MAN2A1: variants seen among roughly 807,000 people sequenced by gnomAD.
MAN2A1 encodes the protein mannosidase alpha class 2A member 1, also known as alpha-mannosidase 2.
In MAN2A1, 76 loss-of-function variants were observed where a neutral mutation model predicts 142.6. The ratio of observed to expected loss-of-function variants is 0.53; its 90% CI spans 0.44 to 0.65. The LOEUF (loss-of-function observed/expected upper bound fraction) is 0.65. Ranked by LOEUF, MAN2A1 falls within the 30% of genes least tolerant of loss-of-function variation. The probability of loss-of-function intolerance (pLI) is 0.00; values close to 1 mark genes in which losing one functional copy is unlikely to be tolerated. For missense variants in MAN2A1, 1,311 were observed against 1,365.1 expected (o/e 0.96, Z 0.62); for synonymous variants, 559 against 473.2 (o/e 1.18, Z -2.35).
At chr5:109,787,127 TTAATAGA>T (rs1317526619) in intron 10 of MAN2A1, among the ~76,000 whole-genome samples, 1 of 152,074 alleles carries the variant, frequency 6.6e-6, no homozygotes, top group African/African-American at 2.4e-5. Context: ...CTTAAAAGTA[TTAATAGA>T]TAATGTGGCT....
intron 5 of MAN2A1, among the ~76,000 whole-genome samples, chr5:109,765,701 T>G (rs544991491): frequency 6.6e-6 from 1 of 152,306 alleles, no homozygotes; most frequent in Non-Finnish European, 1.5e-5. Context: ...AGAGCTTTCC[T>G]TCTTATTTTC....
chr5:109,799,254 G>C (rs1293687765), intron 12 of MAN2A1, among the ~76,000 whole-genome samples: 1 of 152,072 alleles, frequency 6.6e-6, no homozygotes, highest in Non-Finnish European at 1.5e-5. Flanking sequence ...ATTACCCTAA[G>C]GATAAACTCT....
chr5:109,855,262 T>G lies in MAN2A1; in HGVS notation c.3099T>G (p.Gly1033=). The change falls in exon 20 of 22, where the codon GGT becomes GGG. Residue 1033 remains glycine, a synonymous_variant. Transcript: ENST00000261483. ...CCTCACCTACCCTTGAGCTGCAAGG[T>G]GAATTCTCTCCATTACAGTCATCTT... The part of the protein sequence containing the change: ...KFSSPTLELQ[G]EFSPLQSSLP... 1 of 1,607,520 alleles carries G rather than the reference T, an allele frequency of 6.2e-7. No homozygotes were observed. The highest frequency in any genetic ancestry group is 8.5e-7 in the Non-Finnish European group (1 of 1,177,684).
In MAN2A1 at chr5:109,746,506, G is replaced by A. The variant is rs138504068; in HGVS notation, c.708-8823G>A. Among the ~76,000 whole-genome samples, 1,145 of 150,476 alleles carry A rather than the reference G, an allele frequency of 7.6e-3. 55 individuals are homozygous for A. Among genetic ancestry groups the A allele is most frequent in the Admixed American group, 0.071 (1,069 of 15,140 alleles). ...TTTATGGATGTATGGGAAAACATAT[G>A]CACATGTACATAAAGGCATAGGCAT... On this transcript the variant is annotated intron_variant, in intron 4 of 21. Transcript: ENST00000261483.
At chr5:109,710,874 G>A (rs1751281507) in intron 1 of MAN2A1, among the ~76,000 whole-genome samples, 1 of 152,158 alleles carries the variant, frequency 6.6e-6, no homozygotes. Context: ...ATTTTTAGTA[G>A]AGACGGGGTT....
chr5:109,733,335 C>T (rs1186852057), intron 4 of MAN2A1, among the ~76,000 whole-genome samples: 2 of 152,154 alleles, frequency 1.3e-5, no homozygotes, highest in Non-Finnish European at 2.9e-5. Flanking sequence ...TCCTCTTTTC[C>T]TAATTGAATG....
Position 109,726,844 on chromosome 5 carries a change from T to A in MAN2A1, c.536-2498T>A, listed in dbSNP as rs1273922367. 2.0e-5 allele frequency among the ~76,000 whole-genome samples: 3 copies of A among 152,222 alleles called. No homozygotes were observed. The South Asian group carries it at 6.2e-4, about 31-fold the overall frequency. On this transcript the variant is annotated intron_variant, in intron 3 of 21. Transcript: ENST00000261483. ...TTGGAGGCATTTCACTATTTATAGT[T>A]CTTTAGCTAGTAGCCAGATAATTAG...
At chr5:109,865,728 G>A (rs1300028494) in intron 21 of MAN2A1, among the ~76,000 whole-genome samples, 2 of 152,184 alleles carry the variant, frequency 1.3e-5, no homozygotes, top group Admixed American at 6.5e-5. Flanking sequence ...CACCGTGCAG[G>A]CCAAACAGAT....
At chr5:109,745,170 A>G (rs1296951812) in intron 4 of MAN2A1, among the ~76,000 whole-genome samples, 2 of 152,164 alleles carry the variant, frequency 1.3e-5, no homozygotes, top group Non-Finnish European at 2.9e-5. Flanking sequence ...AGTAGTCTAT[A>G]TTATTTTGGA....
chr5:109,716,484 A>G (rs1255208870), intron 3 of MAN2A1, among the ~76,000 whole-genome samples: 1 of 152,236 alleles, frequency 6.6e-6, no homozygotes. Context: ...ATGAAATGGT[A>G]ATAAACAAAA....
intron 12 of MAN2A1, among the ~76,000 whole-genome samples, chr5:109,801,585 T>C (rs1754033398): frequency 1.3e-5 from 2 of 152,128 alleles, no homozygotes; most frequent in South Asian, 2.1e-4. Flanking sequence ...ATCTGCAAAT[T>C]AGATTCATTA....
At chr5:109,762,294 T>G (rs1389277110) in intron 5 of MAN2A1, among the ~76,000 whole-genome samples, 1 of 152,188 alleles carries the variant, frequency 6.6e-6, no homozygotes. Context: ...AAGAGCAGGT[T>G]AAAATTTTTT....
intron 10 of MAN2A1, among the ~76,000 whole-genome samples, chr5:109,788,357 G>GACATAAAAACACAAATA: frequency 6.9e-6 from 1 of 144,102 alleles, no homozygotes; most frequent in South Asian, 2.5e-4. Flanking sequence ...AATATAGTTA[G>GACATAAAAACACAAATA]TAATTTCAGT....
intron 3 of MAN2A1, among the ~76,000 whole-genome samples, chr5:109,727,238 C>T (rs148866455): frequency 6.6e-5 from 10 of 152,092 alleles, no homozygotes; most frequent in Middle Eastern, 3.4e-3. Context: ...TTTCACAGTT[C>T]GAGGCTAGAA....
chr5:109,731,124 C>T (rs1751893337), intron 4 of MAN2A1, among the ~76,000 whole-genome samples: 1 of 151,852 alleles, frequency 6.6e-6, no homozygotes, highest in Admixed American at 6.6e-5. Flanking sequence ...TGGGGTACAT[C>T]TGGTATTTTA....
At chr5:109,778,614 G>A (rs1378005837) in intron 8 of MAN2A1, among the ~76,000 whole-genome samples, 2 of 151,928 alleles carry the variant, frequency 1.3e-5, no homozygotes, top group Non-Finnish European at 2.9e-5. Context: ...TTTATGTCTT[G>A]TGCAATGATT....
chr5:109,716,026 T>G, intron 2 of MAN2A1, 94 bp from the exon 3 acceptor site: 1 of 746,680 alleles, frequency 1.3e-6, no homozygotes, highest in African/African-American at 1.8e-5. Flanking sequence ...AAAATACATA[T>G]GCAGAGTATA....
chr5:109,727,415 T>C (rs1751776068), intron 3 of MAN2A1, among the ~76,000 whole-genome samples: 1 of 152,112 alleles, frequency 6.6e-6, no homozygotes, highest in Non-Finnish European at 1.5e-5. Context: ...TTAGGGCGTA[T>C]CTTCATGACC....
At chr5:109,785,971 G>A (rs532606770) in intron 10 of MAN2A1, among the ~76,000 whole-genome samples, 1 of 152,098 alleles carries the variant, frequency 6.6e-6, no homozygotes, top group Admixed American at 6.6e-5. Flanking sequence ...ATTACTAATT[G>A]TAGTAAATGT....
Sources: allele counts gnomAD v4.1 joint callset (sites outside exome capture counted in the v4.1 genomes callset), GRCh38; gene constraint gnomAD v4.1.1; transcripts MANE v1.5; gene names NCBI Gene and HGNC (gene_info 2026-07-23, HGNC 2026-07-21).